Variants in CELF4 observed in about 807,000 individuals in gnomAD.
CELF4 encodes CUGBP Elav-like family member 4, also known as CUG-BP- and ETR-3-like factor 4.
A neutral mutation model predicts 59.9 loss-of-function variants in CELF4; 18 were observed. The observed-to-expected ratio is 0.30, with a 90% CI of 0.21 to 0.45. The LOEUF (loss-of-function observed/expected upper bound fraction) is 0.45. Among genes scored for constraint, CELF4 ranks in the 20% least tolerant of loss-of-function variants. The pLI, the probability that CELF4 is intolerant of heterozygous loss-of-function variation, is 1.00. For missense variants in CELF4, 456 were observed against 689.0 expected, an observed-to-expected ratio of 0.66 and a Z score of 3.79; for synonymous variants, 261 against 267.1, an observed-to-expected ratio of 0.98 and a Z score of 0.22.
In CELF4 at chr18:37,246,913, A is replaced by G. The variant is rs1400739330; in HGVS notation, c.*45-1716T>C. On this transcript the variant is annotated intron_variant, in intron 12 of 12. Transcript: ENST00000420428. The surrounding 1 kb of genome is among the most constrained non-coding windows in gnomAD (Gnocchi z 5.3). Reference sequence around the variant, plus strand: ...AGAGAAGCATAAAAAAACGCTGAACAAGAAAAACCAAACAACAGAAAGTAA... The same window carrying G: ...AGAGAAGCATAAAAAAACGCTGAACGAGAAAAACCAAACAACAGAAAGTAA... 1 of 152,228 alleles carries G rather than the reference A, an allele frequency of 6.6e-6. No individual in the cohort carries two copies. Among genetic ancestry groups the G allele is most frequent in the Non-Finnish European group, 1.5e-5 (1 of 68,046 alleles). The allele number at this position is 152,228 out of a possible 1,614,324, so 9.4% of individuals were successfully genotyped here. A position where few individuals can be genotyped will look rare whatever the true frequency, so the allele number is the denominator to read the frequency against.
At chr18:37,339,850 G>A (rs1047175695) in intron 2 of CELF4, among the ~76,000 whole-genome samples, 1 of 152,070 alleles carries the variant, frequency 6.6e-6, no homozygotes. Flanking sequence ...ACATAGCAGA[G>A]GGGGGCAGGG....
At chr18:37,323,791 T>G (rs1216414283) in intron 2 of CELF4, among the ~76,000 whole-genome samples, 1 of 152,208 alleles carries the variant, frequency 6.6e-6, no homozygotes, top group South Asian at 2.1e-4. Context: ...GTAGGGATTA[T>G]TATATCCATC....
chr18:37,317,440 AGT>A (rs2096907198), intron 3 of CELF4, among the ~76,000 whole-genome samples: 1 of 152,242 alleles, frequency 6.6e-6, no homozygotes. Flanking sequence ...ACACTCAGTC[AGT>A]GTTCTGTAAA....
At chr18:37,446,116 A>ATGCTTT (rs2099747494) in intron 2 of CELF4, among the ~76,000 whole-genome samples, 2 of 152,204 alleles carry the variant, frequency 1.3e-5, no homozygotes, top group African/African-American at 4.8e-5. Flanking sequence ...ACAGACATGG[A>ATGCTTT]TGCTTTGCCT....
intron 2 of CELF4, among the ~76,000 whole-genome samples, chr18:37,323,031 C>T (rs1469338983): frequency 6.6e-6 from 1 of 152,180 alleles, no homozygotes; most frequent in East Asian, 1.9e-4. Flanking sequence ...TCCCGTACAG[C>T]GGCTGGACCA....
chr18:37,560,148 G>A (rs963885669), intron 1 of CELF4, among the ~76,000 whole-genome samples: 1 of 152,190 alleles, frequency 6.6e-6, no homozygotes. Flanking sequence ...TGGGAGGGAC[G>A]TTGTTAACAT....
At chr18:37,453,486 C>T (rs570408765) in intron 2 of CELF4, among the ~76,000 whole-genome samples, 1 of 152,290 alleles carries the variant, frequency 6.6e-6, no homozygotes, top group East Asian at 1.9e-4. Context: ...TGCCACAAAC[C>T]TTCACTGGGG....
chr18:37,544,199 G>T (rs1286749903), intron 1 of CELF4, among the ~76,000 whole-genome samples: 1 of 148,590 alleles, frequency 6.7e-6, no homozygotes, highest in African/African-American at 2.5e-5. Context: ...ATTATCTCAG[G>T]CTCACTATGT....
At chr18:37,345,165 G>A (rs1171747744) in intron 2 of CELF4, among the ~76,000 whole-genome samples, 2 of 152,302 alleles carry the variant, frequency 1.3e-5, no homozygotes, top group Middle Eastern at 3.4e-3. Context: ...ATAAGGATGG[G>A]TTTAATTAAA....
intron 2 of CELF4, among the ~76,000 whole-genome samples, chr18:37,383,480 A>C (rs1025320953): frequency 6.6e-6 from 1 of 152,258 alleles, no homozygotes; most frequent in African/African-American, 2.4e-5. Context: ...TGAAAGTTTA[A>C]AAGTTTTGAT....
chr18:37,345,577 T>TGGGGCAGACTTTCCTATGGGTGGA (rs2098224451), intron 2 of CELF4, among the ~76,000 whole-genome samples: 2 of 151,772 alleles, frequency 1.3e-5, no homozygotes, highest in African/African-American at 2.4e-5. Context: ...TGGGGTGGGG[T>TGGGGCAGACTTTCCTATGGGTGGA]GGGGCAGACT....
At chr18:37,279,964 G>C (rs138602072) in intron 3 of CELF4, among the ~76,000 whole-genome samples, 1 of 152,276 alleles carries the variant, frequency 6.6e-6, no homozygotes, top group South Asian at 2.1e-4. Context: ...CTTTTAAATC[G>C]TGTCTGTGCC....
rs10681496 is a variant in CELF4 at position 37,565,698 on chromosome 18, C to CTCGT, written c.-58_-57insACGA. On this transcript the variant is annotated 5_prime_UTR_variant, in exon 1 of 13. Transcript: ENST00000420428. The stretch of plus-strand genomic sequence containing the variant: ...CGCTCACACTCTCTCGCTCCTCTCT[C>CTCGT]TCGCTCGCTCGCGCTCACACACGCA... 1 of 1,317,434 alleles carries CTCGT rather than the reference C, an allele frequency of 7.6e-7. No homozygotes were observed. Among genetic ancestry groups the CTCGT allele is most frequent in the Non-Finnish European group, 9.8e-7 (1 of 1,024,786 alleles). 81.6% of individuals were successfully genotyped at this position (1,317,434 alleles called of 1,614,324 possible).
At chr18:37,304,934 A>G (rs556845384) in intron 3 of CELF4, among the ~76,000 whole-genome samples, 77 of 152,302 alleles carry the variant, frequency 5.1e-4, no homozygotes, top group African/African-American at 1.7e-3. Flanking sequence ...AGTGGTCCCA[A>G]TTGGCCTCCA....
intron 2 of CELF4, among the ~76,000 whole-genome samples, chr18:37,432,725 G>A (rs543249171): frequency 8.5e-5 from 13 of 152,348 alleles, no homozygotes; most frequent in African/African-American, 3.1e-4. Flanking sequence ...CATTATTCAA[G>A]GCAGGGACCT....
chr18:37,385,512 G>C (rs902729953), intron 2 of CELF4, among the ~76,000 whole-genome samples: 1 of 152,104 alleles, frequency 6.6e-6, no homozygotes, highest in Non-Finnish European at 1.5e-5. Context: ...ATGCCACCTG[G>C]TTAATCAATT....
chr18:37,423,279 G>A (rs1485588902), intron 2 of CELF4, among the ~76,000 whole-genome samples: 1 of 152,200 alleles, frequency 6.6e-6, no homozygotes, highest in Non-Finnish European at 1.5e-5. Context: ...CAGGTAGGCT[G>A]CCAGGGTCTT....
At chr18:37,471,402 C>T (rs537754876) in intron 2 of CELF4, among the ~76,000 whole-genome samples, 1 of 152,282 alleles carries the variant, frequency 6.6e-6, no homozygotes, top group Admixed American at 6.5e-5. Flanking sequence ...GAACAAGCTC[C>T]TCAGTGGGAT....
intron 2 of CELF4, among the ~76,000 whole-genome samples, chr18:37,389,276 C>T (rs369586437): frequency 8.5e-5 from 13 of 152,310 alleles, no homozygotes; most frequent in Admixed American, 2.6e-4. Context: ...CAGCCCAGCC[C>T]TTCCCTGGGC....
Sources: allele counts gnomAD v4.1 joint callset (sites outside exome capture counted in the v4.1 genomes callset), GRCh38; gene constraint gnomAD v4.1.1; non-coding constraint Gnocchi (gnomAD v3.1); transcripts MANE v1.5; gene names NCBI Gene and HGNC (gene_info 2026-07-23, HGNC 2026-07-21).